FAAH2: variants seen among roughly 807,000 people sequenced by gnomAD.
The protein encoded by FAAH2 is fatty-acid amide hydrolase 2.
In FAAH2, 60 loss-of-function variants were observed where a neutral mutation model predicts 36.9. The ratio of observed to expected loss-of-function variants is 1.63; its 90% CI spans 1.32 to 2.02. The LOEUF is 2.02. Ranked by LOEUF, FAAH2 falls within the 30% of genes most tolerant of loss-of-function variation. The pLI, the probability that FAAH2 is intolerant of heterozygous loss-of-function variation, is 0.00. For missense variants in FAAH2, 689 were observed against 397.5 expected, an observed-to-expected ratio of 1.73 and a Z score of -6.23; for synonymous variants, 214 against 143.8, an observed-to-expected ratio of 1.49 and a Z score of -3.49.
the FAAH2 span, among the ~76,000 whole-genome samples, chrX:57,188,653 T>A: frequency 9.0e-6 from 1 of 110,851 alleles, no homozygotes; most frequent in Non-Finnish European, 1.9e-5. Flanking sequence ...TGTTAGGATG[T>A]GAATTTTAGA....
At chrX:57,165,206 C>T in the FAAH2 span, among the ~76,000 whole-genome samples, 2 of 111,975 alleles carry the variant, frequency 1.8e-5, no homozygotes, top group Admixed American at 1.9e-4. Context: ...ACCCAAAGGA[C>T]TATAAATCAT....
At chrX:57,171,440 A>G in the FAAH2 span, among the ~76,000 whole-genome samples, 12 of 111,895 alleles carry the variant, frequency 1.1e-4, no homozygotes, top group Non-Finnish European at 2.1e-4. Context: ...TGACTTTTTA[A>G]TAATGGCTAT....
At chrX:57,415,674 T>C (rs750613320) in intron 7 of FAAH2, among the ~76,000 whole-genome samples, 12 of 111,792 alleles carry the variant, frequency 1.1e-4, no homozygotes, top group Admixed American at 9.5e-5. Context: ...ATAAGTGTCC[T>C]GTGGTGTTGA....
intron 10 of FAAH2, among the ~76,000 whole-genome samples, chrX:57,466,150 C>CTATATATATATATATATA (rs1448015750): frequency 1.3e-5 from 1 of 75,663 alleles, no homozygotes; most frequent in Non-Finnish European, 2.4e-5. Flanking sequence ...CTCTCTCTCT[C>CTATATATATATATATATA]TCTCTCTATA....
the FAAH2 span, among the ~76,000 whole-genome samples, chrX:57,245,941 G>GT: frequency 3.6e-5 from 4 of 110,575 alleles, no homozygotes; most frequent in South Asian, 3.8e-4. Context: ...TCCAGGAGCT[G>GT]TTTTTTTTAA....
the FAAH2 span, among the ~76,000 whole-genome samples, chrX:57,132,391 C>T: frequency 8.9e-6 from 1 of 112,102 alleles, no homozygotes; most frequent in Non-Finnish European, 1.9e-5. Context: ...ATATTCTATA[C>T]CCAATCTAGG....
the FAAH2 span, among the ~76,000 whole-genome samples, chrX:57,159,356 G>GT: frequency 1.8e-5 from 2 of 111,841 alleles, no homozygotes; most frequent in Non-Finnish European, 1.9e-5. Context: ...CTTTAAAGTA[G>GT]TTTTTTCCAA....
intron 7 of FAAH2, among the ~76,000 whole-genome samples, chrX:57,400,535 A>G (rs150763081): frequency 5.2e-4 from 58 of 112,420 alleles, no homozygotes; most frequent in Non-Finnish European, 9.6e-4. Flanking sequence ...TCAGGTGTCC[A>G]TCTTACTAAA....
At chrX:57,312,474 A>G (rs2052721907) in intron 3 of FAAH2, among the ~76,000 whole-genome samples, 1 of 111,134 alleles carries the variant, frequency 9.0e-6, no homozygotes, top group Non-Finnish European at 1.9e-5. Flanking sequence ...GGAGTTTGAG[A>G]CCAGCCTGGC....
At chrX:57,452,607 C>T (rs2056804751) in intron 10 of FAAH2, among the ~76,000 whole-genome samples, 1 of 112,385 alleles carries the variant, frequency 8.9e-6, no homozygotes, top group South Asian at 3.7e-4. Flanking sequence ...TAGGACATTG[C>T]ATTGTTGCAC....
chrX:57,399,084 A>G (rs1200396402), intron 7 of FAAH2, among the ~76,000 whole-genome samples: 1 of 111,472 alleles, frequency 9.0e-6, no homozygotes, highest in African/African-American at 3.3e-5. Flanking sequence ...TTAGTCATGG[A>G]CTGCAACTGG....
intron 5 of FAAH2, among the ~76,000 whole-genome samples, chrX:57,347,604 G>GTTTTTTTTTTTTTTTT (rs61323098): frequency 1.3e-5 from 1 of 77,902 alleles, no homozygotes; most frequent in African/African-American, 6.5e-5. Context: ...GGGATGCTAA[G>GTTTTTTTTTTTTTTTT]TTTTTTTTTT....
chrX:57,178,597 C>T, the FAAH2 span, among the ~76,000 whole-genome samples: 4 of 111,915 alleles, frequency 3.6e-5, no homozygotes, highest in Non-Finnish European at 5.6e-5. Context: ...AGTCCACACT[C>T]TGGCTCCTTA....
chrX:57,203,689 A>G, the FAAH2 span, among the ~76,000 whole-genome samples: 3 of 112,030 alleles, frequency 2.7e-5, no homozygotes, highest in Non-Finnish European at 5.6e-5. Flanking sequence ...AAGTATTTTT[A>G]TCTATTTTAA....
At chrX:57,392,498 A>G (rs1276777563) in intron 7 of FAAH2, 8 of 697,515 alleles carry the variant, frequency 1.1e-5, no homozygotes, top group Non-Finnish European at 1.7e-5. Context: ...TGAAAATGAC[A>G]TCCGGGAAAA....
chrX:57,403,163 C>T (rs903363185), intron 7 of FAAH2, among the ~76,000 whole-genome samples: 1 of 111,818 alleles, frequency 8.9e-6, no homozygotes, highest in Non-Finnish European at 1.9e-5. Context: ...ATCTTAGGGG[C>T]ATTTTTGCCT....
the FAAH2 span, among the ~76,000 whole-genome samples, chrX:57,222,821 G>A: frequency 9.0e-6 from 1 of 111,361 alleles, no homozygotes; most frequent in Admixed American, 9.5e-5. Context: ...AAACCTAACA[G>A]AACAACCCTT....
At chrX:57,375,145 C>G (rs1021987181) in intron 5 of FAAH2, among the ~76,000 whole-genome samples, 3 of 109,645 alleles carry the variant, frequency 2.7e-5, no homozygotes, top group Non-Finnish European at 5.7e-5. Flanking sequence ...TGGATTTTTG[C>G]ATCCATGTCC....
chrX:57,177,829 G>T, the FAAH2 span, among the ~76,000 whole-genome samples: 4 of 108,830 alleles, frequency 3.7e-5, no homozygotes, highest in Admixed American at 2.0e-4. Context: ...ACTGAGCCTA[G>T]CAGTGCAACT....
Sources: allele counts gnomAD v4.1 joint callset (sites outside exome capture counted in the v4.1 genomes callset), GRCh38; gene constraint gnomAD v4.1.1; transcripts MANE v1.5; gene names NCBI Gene and HGNC (gene_info 2026-07-23, HGNC 2026-07-21).